The following SUGCT variants were observed in gnomAD, a reference collection of about 807,000 sequenced individuals.
The protein encoded by SUGCT is succinyl-CoA:glutarate-CoA transferase.
A neutral mutation model predicts 55.0 loss-of-function variants in SUGCT; 41 were observed. The ratio of observed to expected loss-of-function variants is 0.74; its 90% CI spans 0.58 to 0.97. SUGCT has a LOEUF of 0.97. Ranked by LOEUF, SUGCT falls within the 50% of genes least tolerant of loss-of-function variation. The pLI, the probability that SUGCT is intolerant of heterozygous loss-of-function variation, is 0.00. For missense variants in SUGCT, 568 were observed against 547.8 expected, an observed-to-expected ratio of 1.04 and a Z score of -0.37; for synonymous variants, 187 against 200.4, an observed-to-expected ratio of 0.93 and a Z score of 0.56.
intron 12 of SUGCT, among the ~76,000 whole-genome samples, chr7:40,499,957 A>G (rs937058994): frequency 1.3e-5 from 2 of 152,212 alleles, no homozygotes; most frequent in Non-Finnish European, 2.9e-5. Context: ...AAACACACTT[A>G]AAAGAAAATA....
At chr7:40,756,514 C>T (rs1788259671) in intron 13 of SUGCT, among the ~76,000 whole-genome samples, 3 of 152,260 alleles carry the variant, frequency 2.0e-5, no homozygotes, top group Middle Eastern at 6.8e-3. Context: ...TCCCCTGTTA[C>T]TTTTAGCTTT....
chr7:40,868,369 A>G, the SUGCT span, among the ~76,000 whole-genome samples: 5 of 151,918 alleles, frequency 3.3e-5, no homozygotes, highest in Non-Finnish European at 4.4e-5. Flanking sequence ...CTCTGTGTCC[A>G]TGTGTTCTTA....
intron 11 of SUGCT, among the ~76,000 whole-genome samples, chr7:40,465,509 C>A (rs1450731898): frequency 6.6e-6 from 1 of 152,042 alleles, no homozygotes; most frequent in Non-Finnish European, 1.5e-5. Context: ...ACTCGAGAAG[C>A]CGAGGAAGGA....
chr7:40,484,352 G>A (rs1791217076), intron 11 of SUGCT, among the ~76,000 whole-genome samples: 1 of 152,130 alleles, frequency 6.6e-6, no homozygotes, highest in Non-Finnish European at 1.5e-5. Context: ...CCAATATTAT[G>A]AGACATTTTG....
At chr7:40,839,620 A>G (rs1050524259) in intron 13 of SUGCT, among the ~76,000 whole-genome samples, 4 of 152,188 alleles carry the variant, frequency 2.6e-5, no homozygotes, top group Admixed American at 2.6e-4. Context: ...CTATTTTAAT[A>G]TTTTTTGAGT....
intron 13 of SUGCT, among the ~76,000 whole-genome samples, chr7:40,756,802 G>A (rs1788274314): frequency 6.6e-6 from 1 of 152,140 alleles, no homozygotes; most frequent in African/African-American, 2.4e-5. Flanking sequence ...GATGACAACA[G>A]GAAAAGTGTG....
chr7:40,583,913 A>G (rs939212814), intron 12 of SUGCT, among the ~76,000 whole-genome samples: 3 of 152,164 alleles, frequency 2.0e-5, no homozygotes, highest in Non-Finnish European at 2.9e-5. Context: ...GGGAATTTTT[A>G]CTTGCCAGGA....
chr7:40,634,240 G>A (rs1291102284), intron 12 of SUGCT, among the ~76,000 whole-genome samples: 3 of 152,196 alleles, frequency 2.0e-5, no homozygotes, highest in Non-Finnish European at 4.4e-5. Context: ...GCGAGCTGGC[G>A]CTGAAGTGCC....
intron 6 of SUGCT, among the ~76,000 whole-genome samples, chr7:40,224,346 T>C (rs1298676200): frequency 2.0e-5 from 3 of 151,788 alleles, no homozygotes; most frequent in African/African-American, 7.3e-5. Flanking sequence ...TTTATAATAG[T>C]TTTTTTTCCC....
intron 13 of SUGCT, among the ~76,000 whole-genome samples, 184 bp from the exon 14 acceptor site, chr7:40,860,132 C>A (rs1794417612): frequency 6.6e-6 from 1 of 152,176 alleles, no homozygotes; most frequent in Non-Finnish European, 1.5e-5. Context: ...TTTGGATGAA[C>A]CTGAGTCAAG....
intron 9 of SUGCT, among the ~76,000 whole-genome samples, chr7:40,402,523 C>A (rs537407082): frequency 6.6e-6 from 1 of 151,858 alleles, no homozygotes; most frequent in East Asian, 1.9e-4. Context: ...AAAAATAAAT[C>A]CCCTTAACAA....
chr7:40,446,353 A>G (rs1236989306), intron 9 of SUGCT, among the ~76,000 whole-genome samples: 1 of 152,078 alleles, frequency 6.6e-6, no homozygotes, highest in Non-Finnish European at 1.5e-5. Flanking sequence ...ACCCTTCTCC[A>G]CAAAAAAGCA....
intron 9 of SUGCT, among the ~76,000 whole-genome samples, chr7:40,375,791 T>C (rs1052954744): frequency 6.6e-6 from 1 of 152,228 alleles, no homozygotes; most frequent in African/African-American, 2.4e-5. Flanking sequence ...CTCATAATAC[T>C]GTGCCCCATA....
At position 40,377,128 on chromosome 7, in the gene SUGCT, C is replaced by CTTTCTTTCTTTCTTTCTT. The variant is rs1491225270; in HGVS notation, c.816+60274_816+60275insTTCTTTCTTTCTTTCTTT. Among the ~76,000 whole-genome samples the CTTTCTTTCTTTCTTTCTT allele has an allele frequency of 7.9e-4, 5 of 6,324 alleles. 1 individual carries two copies. Among genetic ancestry groups the CTTTCTTTCTTTCTTTCTT allele is most frequent in the Non-Finnish European group, 1.3e-3 (2 of 1,518 alleles). The allele number at this position is 6,324 out of a possible 152,430, so 4.1% of individuals were successfully genotyped here. A position where few individuals can be genotyped will look rare whatever the true frequency, so the allele number is the denominator to read the frequency against. ...CTTGGAAAGGAAATTTTCAGCCTTC[C>CTTTCTTTCTTTCTTTCTT]TCTTTCTTTCTTTCTTTCTTTCTTT... On this transcript the variant is annotated intron_variant, in intron 9 of 13. Transcript: ENST00000335693.
At chr7:40,976,743 T>A in the SUGCT span, among the ~76,000 whole-genome samples, 1 of 152,200 alleles carries the variant, frequency 6.6e-6, no homozygotes, top group African/African-American at 2.4e-5. Flanking sequence ...TGCATGTGAC[T>A]GGAGAAGGCA....
chr7:40,303,873 A>T (rs1213813653), intron 8 of SUGCT, among the ~76,000 whole-genome samples: 2 of 152,052 alleles, frequency 1.3e-5, no homozygotes, highest in East Asian at 3.9e-4. Context: ...ACGTGGGTGG[A>T]TCACTTGAGG....
intron 13 of SUGCT, among the ~76,000 whole-genome samples, chr7:40,822,316 C>T (rs866198139): frequency 6.6e-6 from 1 of 152,086 alleles, no homozygotes; most frequent in Non-Finnish European, 1.5e-5. Context: ...TCCTGGATAT[C>T]CTTGTTAACT....
intron 10 of SUGCT, among the ~76,000 whole-genome samples, chr7:40,451,343 G>A (rs1477429078): frequency 6.6e-6 from 1 of 152,078 alleles, no homozygotes; most frequent in Admixed American, 6.6e-5. Context: ...CATTACTGCC[G>A]ATCAAGTTAA....
At chr7:40,399,904 C>T (rs759543204) in intron 9 of SUGCT, among the ~76,000 whole-genome samples, 1 of 151,918 alleles carries the variant, frequency 6.6e-6, no homozygotes, top group Non-Finnish European at 1.5e-5. Flanking sequence ...CAAAAATTAG[C>T]TGGGTGTGGT....
Sources: gnomAD v4.1 joint callset for allele counts (sites outside exome capture counted in the v4.1 genomes callset) on GRCh38, gnomAD v4.1.1 for gene constraint, MANE v1.5 for transcripts, NCBI Gene and HGNC (gene_info 2026-07-23, HGNC 2026-07-21) for gene names.